The following SLC6A20 variants were observed in gnomAD, a reference collection of about 807,000 sequenced individuals.
The protein encoded by SLC6A20 is sodium- and chloride-dependent transporter XTRP3.
SLC6A20 carries 73 observed loss-of-function variants against 64.3 expected under a neutral mutation model. The ratio of observed to expected loss-of-function variants is 1.14; its 90% CI spans 0.94 to 1.38. The LOEUF is 1.38. SLC6A20 is among the 40% of genes most tolerant of loss of function. SLC6A20 has a pLI of 0.00. For synonymous variants in SLC6A20, 347 were observed against 329.6 expected (o/e 1.05, Z -0.57); for missense variants, 725 against 772.8 (o/e 0.94, Z 0.73).
intron 7 of SLC6A20, among the ~76,000 whole-genome samples, chr3:45,767,167 AC>A (rs1463590842): frequency 2.0e-5 from 3 of 152,222 alleles, no homozygotes; most frequent in African/African-American, 4.8e-5. Flanking sequence ...GAACTTAAAA[AC>A]AATAGTAAAA....
chr3:45,778,460 TATGAAGG>T (rs1459250840), intron 3 of SLC6A20, among the ~76,000 whole-genome samples: 1 of 152,210 alleles, frequency 6.6e-6, no homozygotes, highest in East Asian at 1.9e-4. Context: ...TCCACAGACC[TATGAAGG>T]ATGGAATGAA....
chr3:45,792,267 C>T (rs984608583), intron 1 of SLC6A20, among the ~76,000 whole-genome samples: 2 of 152,162 alleles, frequency 1.3e-5, no homozygotes, highest in Non-Finnish European at 2.9e-5. Flanking sequence ...TCCTGTCCTG[C>T]CTGTAGCAGA....
chr3:45,774,762 G>A (rs566087938), intron 4 of SLC6A20, among the ~76,000 whole-genome samples: 2 of 152,250 alleles, frequency 1.3e-5, no homozygotes, highest in East Asian at 1.9e-4. Context: ...GGTGACAGTT[G>A]GAATTGATGA....
In SLC6A20 at chr3:45,758,858, T is replaced by C. The variant is rs1376459331; in HGVS notation, c.*120A>G. The C allele has an allele frequency of 7.1e-7, 1 of 1,403,684 alleles. No homozygotes were observed. Among genetic ancestry groups the C allele is most frequent in the African/African-American group, 1.5e-5 (1 of 68,622 alleles). The allele number at this position is 1,403,684 out of a possible 1,614,324, so 87.0% of individuals were successfully genotyped here. A position where few individuals can be genotyped will look rare whatever the true frequency, so the allele number is the denominator to read the frequency against. On this transcript the variant is annotated 3_prime_UTR_variant, in exon 11 of 11. Transcript: ENST00000358525. ...TCCTGCACACCTTCCTCATCTTCTT[T>C]AGACACTCAGGAAGTTGATGGGCTG...
chr3:45,760,066 CGGA>C, intron 9 of SLC6A20, 44 bp from the exon 10 acceptor site: 1 of 1,577,338 alleles, frequency 6.3e-7, no homozygotes, highest in African/African-American at 1.4e-5. Context: ...AACCAGGCTG[CGGA>C]GGTCAGGGCG....
Position 45,782,132 on chromosome 3 carries a change from C to T in SLC6A20, c.213G>A (p.Gln71=), listed in dbSNP as rs1700102117. The T allele has an allele frequency of 6.2e-7, 1 of 1,613,736 alleles. No homozygotes were observed. The highest frequency in any genetic ancestry group is 1.3e-5 in the African/African-American group (1 of 75,008). The change falls in exon 2 of 11, where the codon CAG becomes CAA. Residue 71 remains glutamine, a synonymous_variant. Transcript: ENST00000358525. The stretch of plus-strand genomic sequence containing the variant: ...TGGTCCTCCAGGCGCCGATGCTGCC[C>T]TGCCGCATGCGCTGCCCCACAGCCA... ...LELAVGQRMR[Q]GSIGAWRTIS...
intron 2 of SLC6A20, among the ~76,000 whole-genome samples, chr3:45,780,539 T>A (rs1436996988): frequency 1.3e-5 from 2 of 152,208 alleles, no homozygotes; most frequent in Non-Finnish European, 2.9e-5. Context: ...TGCTACCTTG[T>A]CCAGATGTAC....
At chr3:45,763,489 G>C (rs969148649) in intron 8 of SLC6A20, among the ~76,000 whole-genome samples, 2 of 152,172 alleles carry the variant, frequency 1.3e-5, no homozygotes, top group Non-Finnish European at 2.9e-5. Flanking sequence ...CTTGAATATG[G>C]AGTGGCCCCA....
intron 3 of SLC6A20, among the ~76,000 whole-genome samples, chr3:45,779,089 C>T (rs1700025956): frequency 6.6e-6 from 1 of 152,236 alleles, no homozygotes; most frequent in African/African-American, 2.4e-5. Flanking sequence ...CATGCCAGCC[C>T]TATCTTGCTT....
intron 2 of SLC6A20, among the ~76,000 whole-genome samples, chr3:45,780,869 C>A (rs552446347): frequency 6.6e-6 from 1 of 152,324 alleles, no homozygotes; most frequent in South Asian, 2.1e-4. Flanking sequence ...CTCCCCACCC[C>A]CACTCCACTC....
chr3:45,770,203 T>C lies in SLC6A20; in HGVS notation c.1098+6A>G. The C allele has an allele frequency of 6.2e-7, 1 of 1,614,210 alleles. No individual in the cohort carries two copies. Among genetic ancestry groups the C allele is most frequent in the Non-Finnish European group, 8.5e-7 (1 of 1,180,002 alleles). Reference sequence around the variant, plus strand: ...GCCAGTCCTTGACCTTGCCTGGGCATCTTACCGTGTCTAGCTCCGATTCCA... The same window carrying C: ...GCCAGTCCTTGACCTTGCCTGGGCACCTTACCGTGTCTAGCTCCGATTCCA... On this transcript the variant is annotated splice_donor_region_variant and intron_variant, in intron 7 of 10. Transcript: ENST00000358525.
chr3:45,783,553 G>A (rs1350577846), intron 1 of SLC6A20, among the ~76,000 whole-genome samples: 1 of 152,170 alleles, frequency 6.6e-6, no homozygotes, highest in African/African-American at 2.4e-5. Context: ...TCAATTGTTA[G>A]ACACTCAGGC....
At chr3:45,766,725 T>C (rs1347672432) in intron 7 of SLC6A20, among the ~76,000 whole-genome samples, 1 of 152,236 alleles carries the variant, frequency 6.6e-6, no homozygotes. Flanking sequence ...GAACTCTCTA[T>C]TATGTGAGGA....
intron 1 of SLC6A20, among the ~76,000 whole-genome samples, chr3:45,787,112 T>G (rs1263447411): frequency 6.6e-6 from 1 of 152,198 alleles, no homozygotes; most frequent in African/African-American, 2.4e-5. Flanking sequence ...TGGTCAAATC[T>G]TCCTTGGCTC....
chr3:45,794,016 G>GT lies in SLC6A20; in HGVS notation c.121+2282dup, dbSNP rs1281876233. Among the ~76,000 whole-genome samples, 10 of 152,348 alleles carry GT rather than the reference G, an allele frequency of 6.6e-5. No homozygotes were observed. The South Asian group carries it at 1.4e-3, about 22-fold the overall frequency. ...CCTGTGACTCCATCACATCACAGAG[G>GT]TTGGGCCGGGCGGAGACAGAGAAAC... On this transcript the variant is annotated intron_variant, in intron 1 of 10. Coordinates refer to ENST00000358525, the MANE Select transcript of SLC6A20 (RefSeq NM_020208.4).
At position 45,782,435 on chromosome 3, in the gene SLC6A20, CATCT is replaced by C. The variant is rs550816923; in HGVS notation, c.122-216_122-213del. Among the ~76,000 whole-genome samples the C allele has an allele frequency of 3.6e-3, 543 of 152,140 alleles. 3 individuals are homozygous for C. The highest frequency in any genetic ancestry group is 0.01 in the Middle Eastern group (3 of 294). The stretch of plus-strand genomic sequence containing the variant: ...CCATCCCTCTTGCTGCCATTCCTCT[CATCT>C]ATCTATCTACTATTCATTCACCCAC... On this transcript the variant is annotated intron_variant, in intron 1 of 10. Coordinates refer to ENST00000358525, the MANE Select transcript of SLC6A20 (RefSeq NM_020208.4).
At position 45,796,352 on chromosome 3, in the gene SLC6A20, A is replaced by G; in HGVS notation, c.68T>C (p.Val23Ala). The change falls in exon 1 of 11, where the codon GTG becomes GCG. Residue 23 changes from valine to alanine, a missense_variant. Transcript: ENST00000358525. ...QFVFACISYA[V>A]GLGNVWRFPY... The stretch of plus-strand genomic sequence containing the variant: ...GAATCGCCACACGTTGCCCAGGCCC[A>G]CGGCGTACGAGATGCAGGCGAACAC... 1 of 1,612,450 alleles carries G rather than the reference A, an allele frequency of 6.2e-7. No homozygotes were observed. The highest frequency in any genetic ancestry group is 8.5e-7 in the Non-Finnish European group (1 of 1,179,596).
chr3:45,760,059 C>T, intron 9 of SLC6A20, 37 bp from the exon 10 acceptor site: 1 of 1,588,154 alleles, frequency 6.3e-7, no homozygotes, highest in South Asian at 1.2e-5. Context: ...CTGGATTAAC[C>T]AGGCTGCGGA....
Position 45,759,911 on chromosome 3 carries a change from CAGGT to C in SLC6A20, c.1571_1574del (p.Tyr524Ter). 1 of 1,614,142 alleles carries C rather than the reference CAGGT, an allele frequency of 6.2e-7. No homozygotes were observed. The highest frequency in any genetic ancestry group is 1.1e-5 in the South Asian group (1 of 91,076). ...GGGTCCCCGTGAGGATGTAGTCGCT[CAGGT>C]AGAAGACAAAGAGGCTGACAATCAG... On this transcript the variant is annotated frameshift_variant, in exon 10 of 11. Coordinates refer to ENST00000358525, the MANE Select transcript of SLC6A20 (RefSeq NM_020208.4). LOFTEE classifies it high-confidence loss of function.
Sources: gnomAD v4.1 joint callset for allele counts (sites outside exome capture counted in the v4.1 genomes callset) on GRCh38, gnomAD v4.1.1 for gene constraint, MANE v1.5 for transcripts, NCBI Gene and HGNC (gene_info 2026-07-23, HGNC 2026-07-21) for gene names.